The following NTM variants were observed in gnomAD, a reference collection of about 807,000 sequenced individuals.
The protein encoded by NTM is neurotrimin, also known as IgLON family member 2.
NTM carries 13 observed loss-of-function variants against 42.1 expected under a neutral mutation model. The observed-to-expected ratio is 0.31, with a 90% CI of 0.20 to 0.49. NTM has a LOEUF of 0.49. NTM is among the 20% of genes least tolerant of loss of function. The pLI is 0.99. For missense variants in NTM, 373 were observed against 452.8 expected (o/e 0.82, Z 1.60); for synonymous variants, 187 against 179.2 (o/e 1.04, Z -0.35).
chr11:132,190,904 A>G (rs1202774152), intron 3 of NTM, among the ~76,000 whole-genome samples: 1 of 152,050 alleles, frequency 6.6e-6, no homozygotes, highest in Non-Finnish European at 1.5e-5. Context: ...AGTTCAGTCA[A>G]ATGCCATTGG....
intron 4 of NTM, among the ~76,000 whole-genome samples, chr11:132,285,668 G>A (rs184339027): frequency 3.0e-4 from 46 of 152,270 alleles, no homozygotes; most frequent in African/African-American, 1.1e-3. Flanking sequence ...GGCAATATGA[G>A]TTTAGCTCTT....
intron 1 of NTM, among the ~76,000 whole-genome samples, chr11:131,904,212 G>C (rs575397057): frequency 5.9e-5 from 9 of 152,228 alleles, no homozygotes; most frequent in African/African-American, 2.2e-4. Flanking sequence ...GAGGGGAAAA[G>C]ATCAAACAGA....
At chr11:131,768,075 G>A (rs1158189203) in intron 1 of NTM, among the ~76,000 whole-genome samples, 1 of 150,954 alleles carries the variant, frequency 6.6e-6, no homozygotes, top group Non-Finnish European at 1.5e-5. Context: ...TAGAGTTTCA[G>A]CCTTCTGACA....
intron 1 of NTM, among the ~76,000 whole-genome samples, chr11:131,417,442 A>G (rs1048072191): frequency 3.3e-5 from 5 of 152,186 alleles, no homozygotes; most frequent in Non-Finnish European, 2.9e-5. Context: ...AACTGGAGAG[A>G]TAAGTTAATT....
chr11:132,312,206 C>T (rs1190748973), intron 6 of NTM, among the ~76,000 whole-genome samples: 4 of 152,166 alleles, frequency 2.6e-5, no homozygotes, highest in African/African-American at 9.7e-5. Flanking sequence ...ATTGTGTCTG[C>T]CCTGGGGGGA....
chr11:131,373,988 T>A (rs1418585056), intron 1 of NTM, among the ~76,000 whole-genome samples: 1 of 152,198 alleles, frequency 6.6e-6, no homozygotes, highest in Non-Finnish European at 1.5e-5. Context: ...CCATGCACAG[T>A]ACACACGTGG....
intron 1 of NTM, among the ~76,000 whole-genome samples, chr11:131,646,386 GA>G (rs1047607943): frequency 1.3e-5 from 2 of 151,896 alleles, no homozygotes; most frequent in African/African-American, 4.8e-5. Flanking sequence ...AACTCACAAA[GA>G]AAAAAAATTC....
At chr11:131,702,450 G>C (rs995298395) in intron 1 of NTM, among the ~76,000 whole-genome samples, 1 of 152,150 alleles carries the variant, frequency 6.6e-6, no homozygotes, top group African/African-American at 2.4e-5. Context: ...GATTTGGAGA[G>C]ACCCAGCATC....
At chr11:131,687,986 T>A (rs1381017092) in intron 1 of NTM, among the ~76,000 whole-genome samples, 1 of 152,206 alleles carries the variant, frequency 6.6e-6, no homozygotes, top group Non-Finnish European at 1.5e-5. Context: ...GTTGATGGAA[T>A]AGCCCTCCTC....
At chr11:131,991,278 G>A (rs914092927) in intron 2 of NTM, among the ~76,000 whole-genome samples, 3 of 151,938 alleles carry the variant, frequency 2.0e-5, no homozygotes, top group African/African-American at 7.3e-5. Context: ...TGCATCTCTT[G>A]CATTGCATAG....
chr11:131,387,960 G>A (rs558433092), intron 1 of NTM, among the ~76,000 whole-genome samples: 9 of 152,310 alleles, frequency 5.9e-5, no homozygotes, highest in Admixed American at 2.0e-4. Flanking sequence ...CTCTCCAAGC[G>A]TGGTCTCCAA....
At chr11:131,901,933 G>C (rs1036475557) in intron 1 of NTM, among the ~76,000 whole-genome samples, 2 of 152,216 alleles carry the variant, frequency 1.3e-5, no homozygotes, top group African/African-American at 2.4e-5. Flanking sequence ...GTGAAGGAAA[G>C]CATACCAAAG....
chr11:131,374,480 A>G lies in NTM; in HGVS notation c.82+3592A>G, dbSNP rs887942672. On this transcript the variant is annotated intron_variant, in intron 1 of 8. Coordinates refer to ENST00000683400, the MANE Select transcript of NTM (RefSeq NM_001352005.2). ...CTTAAAGCCAAATATAAGCCCCCAG[A>G]TCTCGTCTTATCAGCTGCAATGTAC... Among the ~76,000 whole-genome samples the G allele has an allele frequency of 2.0e-5, 3 of 152,046 alleles. 1 individual carries two copies. The highest frequency in any genetic ancestry group is 2.0e-4 in the Admixed American group (3 of 15,274).
At chr11:132,232,482 C>T (rs1315061892) in intron 4 of NTM, among the ~76,000 whole-genome samples, 1 of 152,152 alleles carries the variant, frequency 6.6e-6, no homozygotes, top group Non-Finnish European at 1.5e-5. Flanking sequence ...ACCTGATGTC[C>T]CAGCTCACAC....
chr11:132,291,577 T>C (rs1041817030), intron 4 of NTM, among the ~76,000 whole-genome samples: 2 of 152,132 alleles, frequency 1.3e-5, no homozygotes, highest in Admixed American at 6.5e-5. Context: ...TAAACCTGAA[T>C]GTTCAAAGCC....
At chr11:131,809,753 C>T (rs1592009622) in intron 1 of NTM, among the ~76,000 whole-genome samples, 1 of 152,198 alleles carries the variant, frequency 6.6e-6, no homozygotes, top group Admixed American at 6.5e-5. Flanking sequence ...AAATCTTCGG[C>T]TTCCCCCTCA....
At chr11:132,127,231 A>T (rs1010613911) in intron 2 of NTM, among the ~76,000 whole-genome samples, 2 of 152,220 alleles carry the variant, frequency 1.3e-5, no homozygotes, top group Non-Finnish European at 2.9e-5. Context: ...TTCCCAGGAA[A>T]GTCTTTGGTT....
At chr11:132,083,829 G>C (rs1174596380) in intron 2 of NTM, among the ~76,000 whole-genome samples, 1 of 152,138 alleles carries the variant, frequency 6.6e-6, no homozygotes, top group Non-Finnish European at 1.5e-5. Flanking sequence ...AATACTCACA[G>C]ATAGTTTTCA....
At chr11:131,488,894 G>T (rs926497862) in intron 1 of NTM, among the ~76,000 whole-genome samples, 1 of 152,144 alleles carries the variant, frequency 6.6e-6, no homozygotes, top group Admixed American at 6.5e-5. Flanking sequence ...CAGGATATTT[G>T]CAATAAACAC....
Sources: gnomAD v4.1 joint callset for allele counts (sites outside exome capture counted in the v4.1 genomes callset) on GRCh38, gnomAD v4.1.1 for gene constraint, MANE v1.5 for transcripts, NCBI Gene and HGNC (gene_info 2026-07-23, HGNC 2026-07-21) for gene names.